Variants in SH3RF3 observed in about 807,000 individuals in gnomAD.
SH3RF3 encodes the protein E3 ubiquitin-protein ligase SH3RF3.
In SH3RF3, 29 loss-of-function variants were observed where a neutral mutation model predicts 66.3. That is an observed-to-expected ratio of 0.44 (90% CI 0.33 to 0.60). The LOEUF is 0.60. SH3RF3 is among the 20% of genes least tolerant of loss of function. SH3RF3 has a pLI of 0.04. For synonymous variants in SH3RF3, 583 were observed against 532.0 expected (o/e 1.10, Z -1.32); for missense variants, 1,194 against 1,190.9 (o/e 1.00, Z -0.04).
intron 8 of SH3RF3, among the ~76,000 whole-genome samples, chr2:109,485,347 T>G (rs1678942249): frequency 6.6e-6 from 1 of 152,246 alleles, no homozygotes; most frequent in Admixed American, 6.5e-5. Flanking sequence ...AAATGACTTG[T>G]ATCTCTGTTT....
chr2:109,432,403 T>C, intron 5 of SH3RF3, 98 bp from the exon 6 acceptor site: 1 of 1,483,660 alleles, frequency 6.7e-7, no homozygotes. Context: ...TCTTTTTAGG[T>C]TGGGTTCCTC....
intron 1 of SH3RF3, among the ~76,000 whole-genome samples, chr2:109,311,340 T>C (rs544203265): frequency 7.4e-4 from 79 of 106,414 alleles, no homozygotes; most frequent in Middle Eastern, 3.6e-3. Context: ...ATGGGACGTA[T>C]TTCAAAATAA....
chr2:109,488,549 C>T (rs962513661), intron 8 of SH3RF3, among the ~76,000 whole-genome samples: 9 of 152,334 alleles, frequency 5.9e-5, no homozygotes, highest in East Asian at 1.9e-4. Flanking sequence ...TCCTCACTCC[C>T]TGCCCCCAGG....
intron 1 of SH3RF3, among the ~76,000 whole-genome samples, chr2:109,310,260 G>T (rs1681695483): frequency 2.1e-5 from 1 of 48,604 alleles, no homozygotes; most frequent in Non-Finnish European, 3.4e-5. Context: ...ATAACGAAAT[G>T]AAGGCAGAAA....
At chr2:109,286,609 G>A (rs1681035354) in intron 1 of SH3RF3, among the ~76,000 whole-genome samples, 1 of 152,216 alleles carries the variant, frequency 6.6e-6, no homozygotes, top group African/African-American at 2.4e-5. Context: ...ACATGGTGAG[G>A]GGAGCTTCCA....
chr2:109,168,518 C>A (rs1030456253), intron 1 of SH3RF3, among the ~76,000 whole-genome samples: 3 of 152,182 alleles, frequency 2.0e-5, no homozygotes, highest in African/African-American at 4.8e-5. Flanking sequence ...CAGAGGGGGA[C>A]CTTCTGCAAC....
chr2:109,438,535 T>C lies in SH3RF3; in HGVS notation c.1828+1389T>C, dbSNP rs536541643. Among the ~76,000 whole-genome samples the C allele has an allele frequency of 3.0e-4, 45 of 152,352 alleles. No individual in the cohort carries two copies. The South Asian group carries it at 6.8e-3, about 23-fold the overall frequency. On this transcript the variant is annotated intron_variant, in intron 7 of 9. Transcript: ENST00000309415. ...AGACCTACTCTGCCATCTCAGATTC[T>C]GTAAGTCTCTACTAGTATCTTTTTT...
intron 3 of SH3RF3, among the ~76,000 whole-genome samples, chr2:109,394,658 T>C (rs1676091095): frequency 6.6e-6 from 1 of 152,262 alleles, no homozygotes; most frequent in African/African-American, 2.4e-5. Context: ...TGGTTATGTG[T>C]GTGCACATCT....
At chr2:109,237,256 G>C (rs968004302) in intron 1 of SH3RF3, among the ~76,000 whole-genome samples, 1 of 152,126 alleles carries the variant, frequency 6.6e-6, no homozygotes, top group Admixed American at 6.5e-5. Context: ...GTCAGTAGAG[G>C]AACTGACAAT....
chr2:109,464,284 TCATA>T (rs1175396223), intron 8 of SH3RF3, among the ~76,000 whole-genome samples: 1 of 152,136 alleles, frequency 6.6e-6, no homozygotes, highest in Admixed American at 6.6e-5. Context: ...ATACACACAT[TCATA>T]CATATACATA....
At chr2:109,255,332 C>T (rs986919538) in intron 1 of SH3RF3, among the ~76,000 whole-genome samples, 2 of 152,160 alleles carry the variant, frequency 1.3e-5, no homozygotes, top group Non-Finnish European at 2.9e-5. Context: ...TTGAGTAAAG[C>T]TACTCTAAGA....
At chr2:109,336,865 G>A (rs568178950) in intron 1 of SH3RF3, among the ~76,000 whole-genome samples, 1 of 152,220 alleles carries the variant, frequency 6.6e-6, no homozygotes, top group African/African-American at 2.4e-5. Flanking sequence ...TCAACACCTG[G>A]TGCAGTGAAG....
chr2:109,300,408 C>T (rs992115644), intron 1 of SH3RF3, among the ~76,000 whole-genome samples: 3 of 152,034 alleles, frequency 2.0e-5, no homozygotes, highest in Non-Finnish European at 2.9e-5. Flanking sequence ...TCCAACTCCT[C>T]ACCTCAAGTG....
chr2:109,265,713 T>G (rs1202004186), intron 1 of SH3RF3, among the ~76,000 whole-genome samples: 3 of 152,242 alleles, frequency 2.0e-5, no homozygotes, highest in Non-Finnish European at 4.4e-5. Context: ...AGTCAGAAAC[T>G]CTGAAGGGAA....
chr2:109,137,991 G>A (rs1676852471), intron 1 of SH3RF3, among the ~76,000 whole-genome samples: 1 of 152,160 alleles, frequency 6.6e-6, no homozygotes, highest in Non-Finnish European at 1.5e-5. Context: ...AAATGCAATG[G>A]CAGACACATA....
At chr2:109,132,630 T>TA (rs533829643) in intron 1 of SH3RF3, among the ~76,000 whole-genome samples, 3 of 152,228 alleles carry the variant, frequency 2.0e-5, no homozygotes, top group Non-Finnish European at 1.5e-5. Context: ...GCAAATACTA[T>TA]ATGTGTGTTG....
chr2:109,474,946 G>T (rs1161607013), intron 8 of SH3RF3, among the ~76,000 whole-genome samples: 1 of 152,164 alleles, frequency 6.6e-6, no homozygotes, highest in African/African-American at 2.4e-5. Flanking sequence ...AGTGTTTTTT[G>T]TCTTTTGTTT....
intron 7 of SH3RF3, among the ~76,000 whole-genome samples, chr2:109,443,379 G>A (rs952335990): frequency 3.9e-5 from 6 of 152,228 alleles, no homozygotes; most frequent in Non-Finnish European, 4.4e-5. Context: ...TCTGTGTGAC[G>A]CTGAAACAAA....
intron 1 of SH3RF3, among the ~76,000 whole-genome samples, chr2:109,194,848 A>T (rs1365489580): frequency 6.6e-6 from 1 of 152,188 alleles, no homozygotes; most frequent in East Asian, 1.9e-4. Context: ...GACATGCCAT[A>T]TAGAGAACCC....
Sources: allele counts gnomAD v4.1 joint callset (sites outside exome capture counted in the v4.1 genomes callset), GRCh38; gene constraint gnomAD v4.1.1; transcripts MANE v1.5; gene names NCBI Gene and HGNC (gene_info 2026-07-23, HGNC 2026-07-21).